Variants in XDH observed in about 807,000 individuals in gnomAD.
XDH encodes xanthine dehydrogenase.
A neutral mutation model predicts 156.1 loss-of-function variants in XDH; 138 were observed. The observed-to-expected ratio is 0.88, with a 90% CI of 0.77 to 1.02. The LOEUF is 1.02. Ranked by LOEUF, XDH falls within the 50% of genes least tolerant of loss-of-function variation. The pLI is 0.00. For missense variants in XDH, 1,849 were observed against 1,684.9 expected, an observed-to-expected ratio of 1.10 and a Z score of -1.71; for synonymous variants, 669 against 625.7, an observed-to-expected ratio of 1.07 and a Z score of -1.03.
At chr2:31,397,307 T>A (rs1277201963) in intron 6 of XDH, among the ~76,000 whole-genome samples, 1 of 152,204 alleles carries the variant, frequency 6.6e-6, no homozygotes, top group Non-Finnish European at 1.5e-5. Flanking sequence ...CACGTTGTTA[T>A]TAAATGCTAC....
intron 7 of XDH, 87 bp from the exon 8 acceptor site, chr2:31,387,984 G>T: frequency 7.0e-7 from 1 of 1,426,984 alleles, no homozygotes; most frequent in Non-Finnish European, 9.6e-7. Context: ...CTTCCAGCAA[G>T]CTCATTCCCA....
intron 24 of XDH, among the ~76,000 whole-genome samples, chr2:31,360,634 A>G (rs1447815575): frequency 1.3e-5 from 2 of 152,160 alleles, no homozygotes; most frequent in African/African-American, 2.4e-5. Flanking sequence ...CCTGCCCCTT[A>G]GCCGCTTAGT....
chr2:31,371,124 C>T (rs193242487), intron 17 of XDH, among the ~76,000 whole-genome samples: 31 of 152,300 alleles, frequency 2.0e-4, no homozygotes, highest in Non-Finnish European at 3.5e-4. Context: ...TTAGGCAACA[C>T]GAACCGCAAA....
chr2:31,377,355 G>A, intron 13 of XDH, 118 bp from the exon 14 acceptor site: 1 of 1,086,836 alleles, frequency 9.2e-7, no homozygotes, highest in East Asian at 2.4e-5. Flanking sequence ...ACACATCAGT[G>A]GGTGAACTGG....
intron 6 of XDH, among the ~76,000 whole-genome samples, chr2:31,395,758 A>C (rs1239039683): frequency 6.6e-6 from 1 of 152,186 alleles, no homozygotes; most frequent in African/African-American, 2.4e-5. Flanking sequence ...TTTTTGGACA[A>C]TGAGTTGTCC....
intron 9 of XDH, 23 bp from the exon 10 acceptor site, chr2:31,383,870 A>G (rs2148782491): frequency 6.2e-7 from 1 of 1,608,688 alleles, no homozygotes; most frequent in Non-Finnish European, 8.5e-7. Flanking sequence ...AAGAAGCTGA[A>G]GTTGTAGGCC....
Position 31,342,289 on chromosome 2 carries a change from T to A in XDH, c.3413A>T (p.Asn1138Ile), listed in dbSNP as rs780136804. 6.2e-7 allele frequency: 1 copy of A among 1,613,784 alleles called. No homozygotes were observed. Among genetic ancestry groups the A allele is most frequent in the Non-Finnish European group, 8.5e-7 (1 of 1,179,924 alleles). ...GTTAGTCTCAAAGCTGTAGCCCAGA[T>A]TGGGTGTTCTGGGAGAGGAAAGAGA... Reference protein sequence around the residue: ...LSATGFYRTPNLGYSFETNSG... With the variant: ...LSATGFYRTPILGYSFETNSG... The change falls in exon 32 of 36, where the codon AAT becomes ATT. Residue 1138 changes from asparagine (N) to isoleucine (I), a missense_variant. Asn to Ile is a moderately radical substitution (Grantham distance 149). Coordinates refer to ENST00000379416, the MANE Select transcript of XDH (RefSeq NM_000379.4).
At chr2:31,343,491 C>A in intron 31 of XDH, among the ~76,000 whole-genome samples, 1 of 105,636 alleles carries the variant, frequency 9.5e-6, no homozygotes, top group Admixed American at 8.9e-5. Flanking sequence ...ATATATATGC[C>A]TTATATACTT....
intron 12 of XDH, 82 bp downstream of exon 12, chr2:31,381,551 T>C: frequency 7.1e-7 from 1 of 1,415,260 alleles, no homozygotes; most frequent in South Asian, 1.2e-5. Flanking sequence ...CTTTGAGCTC[T>C]GTTTCTCCAG....
Position 31,335,926 on chromosome 2 carries a change from A to G in XDH, c.*32T>C. 6.2e-7 allele frequency: 1 copy of G among 1,613,632 alleles called. No homozygotes were observed. Among genetic ancestry groups the G allele is most frequent in the Non-Finnish European group, 8.5e-7 (1 of 1,179,496 alleles). ...TCCTGCTCCATGGAAGCCCAAAGGC[A>G]GCACAAGAAGACTCTGCTGAGGACT... On this transcript the variant is annotated 3_prime_UTR_variant, in exon 36 of 36. Transcript: ENST00000379416.
chr2:31,348,482 C>T (rs1685364045), intron 27 of XDH, 119 bp from the exon 28 acceptor site: 1 of 915,854 alleles, frequency 1.1e-6, no homozygotes, highest in Admixed American at 2.0e-5. Flanking sequence ...ATGTAAACCT[C>T]AGACAAAAAT....
At chr2:31,343,026 C>T (rs753148553) in intron 31 of XDH, among the ~76,000 whole-genome samples, 1 of 151,918 alleles carries the variant, frequency 6.6e-6, no homozygotes, top group African/African-American at 2.4e-5. Flanking sequence ...ATACACTACA[C>T]AGGAATAACA....
intron 6 of XDH, among the ~76,000 whole-genome samples, chr2:31,389,173 T>G (rs1392010497): frequency 6.6e-6 from 1 of 152,250 alleles, no homozygotes; most frequent in African/African-American, 2.4e-5. Context: ...GGAGCAGTCC[T>G]TCTGCAAGTC....
rs747206189 is a variant in XDH, at chr2:31,377,178, T to A, written c.1302A>T (p.Val434=). 1.9e-6 allele frequency: 3 copies of A among 1,614,144 alleles called. No homozygotes were observed. In the East Asian group the frequency reaches 6.7e-5, roughly 36 times the overall value. ...ASRREDDIAK[V]TSGMRVLFKP... ...TGAATAAAACTCTCATGCCACTGGT[T>A]ACCTTGGCAATGTCATCTTCTCTCC... Residue 434 remains valine, a synonymous_variant, in exon 14 of 36, where the codon GTA becomes GTT. Transcript: ENST00000379416.
intron 33 of XDH, among the ~76,000 whole-genome samples, chr2:31,340,902 T>C (rs550046080): frequency 1.4e-4 from 21 of 152,314 alleles, no homozygotes; most frequent in Admixed American, 4.6e-4. Flanking sequence ...TTTGGCAGCA[T>C]CTGCTTCCTG....
intron 34 of XDH, 139 bp downstream of exon 34, chr2:31,339,350 G>T (rs1238034167): frequency 4.2e-6 from 5 of 1,192,348 alleles, no homozygotes; most frequent in Non-Finnish European, 4.9e-6. Flanking sequence ...CCCTACCAAG[G>T]TCAGTGTCAA....
intron 24 of XDH, among the ~76,000 whole-genome samples, chr2:31,363,882 C>T (rs1301774179): frequency 1.3e-5 from 2 of 152,108 alleles, no homozygotes; most frequent in African/African-American, 4.8e-5. Context: ...TATGTACACA[C>T]ACACAATGCC....
Position 31,342,063 on chromosome 2 carries a change from C to T in XDH, c.3519+120G>A. ...GGCCCTTTATAGGATGTTTGCCTATCCTTAATGGAAGGCATTATTTTTCCA... is the reference window on the plus strand; with the variant it reads ...GGCCCTTTATAGGATGTTTGCCTATTCTTAATGGAAGGCATTATTTTTCCA... On this transcript the variant is annotated intron_variant, in intron 32 of 35. Coordinates refer to ENST00000379416, the MANE Select transcript of XDH (RefSeq NM_000379.4). The T allele has an allele frequency of 8.8e-6, 8 of 912,104 alleles. No homozygotes were observed. In the South Asian group the frequency reaches 1.1e-4, roughly 13 times the overall value. The allele number at this position is 912,104 out of a possible 1,614,324, so 56.5% of individuals were successfully genotyped here. A position where few individuals can be genotyped will look rare whatever the true frequency, so the allele number is the denominator to read the frequency against.
At chr2:31,385,154 C>T (rs1686552164) in intron 9 of XDH, among the ~76,000 whole-genome samples, 1 of 152,054 alleles carries the variant, frequency 6.6e-6, no homozygotes, top group African/African-American at 2.4e-5. Flanking sequence ...GACATTGCAC[C>T]ACTGTATTTC....
Sources: allele counts gnomAD v4.1 joint callset (sites outside exome capture counted in the v4.1 genomes callset), GRCh38; gene constraint gnomAD v4.1.1; transcripts MANE v1.5; gene names NCBI Gene and HGNC (gene_info 2026-07-23, HGNC 2026-07-21).